Variants in ANKS1B observed in about 807,000 individuals in gnomAD.
ANKS1B encodes the protein ankyrin repeat and sterile alpha motif domain containing 1B.
ANKS1B carries 36 observed loss-of-function variants against 148.3 expected under a neutral mutation model. The observed-to-expected ratio is 0.24, with a 90% CI of 0.19 to 0.32. The LOEUF (loss-of-function observed/expected upper bound fraction) is 0.32, where lower values mean the gene tolerates loss of function less well. ANKS1B is among the 10% of genes least tolerant of loss of function. ANKS1B has a pLI of 1.00. For synonymous variants in ANKS1B, 542 were observed against 560.8 expected, an observed-to-expected ratio of 0.97 and a Z score of 0.47; for missense variants, 1,157 against 1,542.6, an observed-to-expected ratio of 0.75 and a Z score of 4.19.
At chr12:99,669,592 C>G (rs12230897) in intron 8 of ANKS1B, among the ~76,000 whole-genome samples, 18,445 of 151,948 alleles carry the variant, frequency 0.12, 1,728 homozygotes, top group East Asian at 0.46. Context: ...GATTGTTGGC[C>G]TTGTGTGAGC....
intron 11 of ANKS1B, among the ~76,000 whole-genome samples, chr12:99,439,113 AT>A (rs887281292): frequency 6.6e-6 from 1 of 151,674 alleles, no homozygotes; most frequent in Non-Finnish European, 1.5e-5. Context: ...GTAAATAACA[AT>A]TTTTTTCCTT....
At chr12:99,798,750 A>G (rs1450771964) in intron 4 of ANKS1B, among the ~76,000 whole-genome samples, 1 of 152,108 alleles carries the variant, frequency 6.6e-6, no homozygotes, top group African/African-American at 2.4e-5. Flanking sequence ...TTGCTATTCA[A>G]AAGAAGAAAT....
chr12:99,329,813 G>A (rs1347055627), intron 12 of ANKS1B, among the ~76,000 whole-genome samples: 1 of 151,638 alleles, frequency 6.6e-6, no homozygotes, highest in Non-Finnish European at 1.5e-5. Context: ...TCTACCAGCT[G>A]TTTATATGTT....
chr12:99,225,620 A>G (rs2638573), intron 14 of ANKS1B, among the ~76,000 whole-genome samples: 84,541 of 151,992 alleles, frequency 0.56, 24,416 homozygotes, highest in Non-Finnish European at 0.63. Context: ...ATAAAGTGGA[A>G]TGGGCAGACT....
chr12:99,189,492 A>G (rs921756640), intron 14 of ANKS1B, among the ~76,000 whole-genome samples: 3 of 152,240 alleles, frequency 2.0e-5, no homozygotes, highest in African/African-American at 7.2e-5. Context: ...AAGCTTATCT[A>G]CCACGATCAA....
rs185239102 is a variant in ANKS1B at position 99,479,264 on chromosome 12, T to C, written c.1438+25212A>G. Among the ~76,000 whole-genome samples, 1,197 of 152,204 alleles carry C rather than the reference T, an allele frequency of 7.9e-3. 12 individuals carry two copies. The highest frequency in any genetic ancestry group is 0.027 in the African/African-American group (1,114 of 41,582). On this transcript the variant is annotated intron_variant, in intron 10 of 26. Coordinates refer to ENST00000683438, the MANE Select transcript of ANKS1B (RefSeq NM_001352186.2). ...GACCTATGTTGATAAAACTGGTTCATTACTTTTAAAAGAATTAAGTTGACT... is the reference window on the plus strand; with the variant it reads ...GACCTATGTTGATAAAACTGGTTCACTACTTTTAAAAGAATTAAGTTGACT...
At chr12:98,831,825 T>C (rs2099318546) in intron 18 of ANKS1B, 2 of 597,024 alleles carry the variant, frequency 3.3e-6, no homozygotes, top group Non-Finnish European at 3.1e-6. Flanking sequence ...CTCTGCTCAC[T>C]GCAATGCTCC....
intron 17 of ANKS1B, among the ~76,000 whole-genome samples, chr12:98,944,736 T>C (rs1346677679): frequency 1.3e-5 from 2 of 152,170 alleles, no homozygotes; most frequent in African/African-American, 4.8e-5. Context: ...CTCTTGGAGA[T>C]AAAAAAGTCA....
intron 22 of ANKS1B, among the ~76,000 whole-genome samples, chr12:98,796,386 A>G (rs998475284): frequency 5.3e-5 from 8 of 152,204 alleles, no homozygotes; most frequent in Admixed American, 1.3e-4. Context: ...TCTGTGTCCT[A>G]AAGTATTTTT....
chr12:99,435,153 G>A (rs1305562853), intron 11 of ANKS1B, among the ~76,000 whole-genome samples: 1 of 152,022 alleles, frequency 6.6e-6, no homozygotes, highest in Non-Finnish European at 1.5e-5. Context: ...AATCATCAAT[G>A]GAAGATACAA....
intron 9 of ANKS1B, chr12:99,648,608 G>A (rs777913921): frequency 1.2e-6 from 2 of 1,614,044 alleles, no homozygotes; most frequent in Non-Finnish European, 1.7e-6. Context: ...CTTGCCACGG[G>A]CCGCTCTTTT....
chr12:99,658,339 A>G (rs1352617903), intron 8 of ANKS1B, among the ~76,000 whole-genome samples: 1 of 152,190 alleles, frequency 6.6e-6, no homozygotes, highest in Non-Finnish European at 1.5e-5. Context: ...TAAATGAGGT[A>G]ATAAATATAA....
intron 1 of ANKS1B, among the ~76,000 whole-genome samples, chr12:99,907,812 T>TAAA (rs751468199): frequency 3.7e-4 from 37 of 100,154 alleles, no homozygotes; most frequent in African/African-American, 1.3e-3. Context: ...GAGAAATTCT[T>TAAA]AAAAAAAAAA....
At position 99,180,925 on chromosome 12, in the gene ANKS1B, A is replaced by T. The variant is rs879268639; in HGVS notation, c.2420-26530T>A. Reference sequence around the variant, plus strand: ...AGGTCTCTGACCTCCTCCCCTCCCTACTGACTGTCCTCATATGACAGATGT... The same window carrying T: ...AGGTCTCTGACCTCCTCCCCTCCCTTCTGACTGTCCTCATATGACAGATGT... On this transcript the variant is annotated intron_variant, in intron 14 of 26. Coordinates refer to ENST00000683438, the MANE Select transcript of ANKS1B (RefSeq NM_001352186.2). Among the ~76,000 whole-genome samples the T allele has an allele frequency of 1.2e-4, 18 of 152,052 alleles. 1 individual carries two copies. The highest frequency in any genetic ancestry group is 3.4e-3 in the Middle Eastern group (1 of 294).
intron 4 of ANKS1B, among the ~76,000 whole-genome samples, chr12:99,793,582 CT>C (rs534651461): frequency 5.6e-4 from 85 of 152,086 alleles, no homozygotes; most frequent in Admixed American, 3.8e-3. Flanking sequence ...AAAAGACAGT[CT>C]TCAATAAATG....
At chr12:99,484,157 T>A (rs1377945188) in intron 10 of ANKS1B, among the ~76,000 whole-genome samples, 2 of 151,692 alleles carry the variant, frequency 1.3e-5, no homozygotes, top group African/African-American at 4.8e-5. Context: ...CCTTTAGCAC[T>A]GCTGTTGCTG....
chr12:99,038,869 C>T (rs1316981602), intron 17 of ANKS1B, among the ~76,000 whole-genome samples: 1 of 152,208 alleles, frequency 6.6e-6, no homozygotes, highest in Non-Finnish European at 1.5e-5. Flanking sequence ...TGATCACCCT[C>T]CTGAAGATCT....
intron 1 of ANKS1B, among the ~76,000 whole-genome samples, chr12:99,876,261 TA>T (rs967767748): frequency 2.0e-5 from 3 of 152,032 alleles, no homozygotes; most frequent in African/African-American, 7.2e-5. Context: ...AGTATGAAAA[TA>T]AACAATCCCC....
At chr12:99,156,295 C>T (rs1042524400) in intron 14 of ANKS1B, among the ~76,000 whole-genome samples, 2 of 152,154 alleles carry the variant, frequency 1.3e-5, no homozygotes, top group African/African-American at 4.8e-5. Context: ...ATTTTGTTCT[C>T]ATAGTTCAGG....
Sources: gnomAD v4.1 joint callset for allele counts (sites outside exome capture counted in the v4.1 genomes callset) on GRCh38, gnomAD v4.1.1 for gene constraint, MANE v1.5 for transcripts, NCBI Gene and HGNC (gene_info 2026-07-23, HGNC 2026-07-21) for gene names.